Variants in ROBO1 observed in about 807,000 individuals in gnomAD.
ROBO1 encodes roundabout guidance receptor 1.
ROBO1 carries 149 observed loss-of-function variants against 195.9 expected under a neutral mutation model. The ratio of observed to expected loss-of-function variants is 0.76; its 90% CI spans 0.67 to 0.87. The LOEUF (loss-of-function observed/expected upper bound fraction) is 0.87, where lower values mean the gene tolerates loss of function less well. ROBO1 is among the 40% of genes least tolerant of loss of function. ROBO1 has a pLI of 0.00. For missense variants in ROBO1, 1,933 were observed against 2,068.3 expected, an observed-to-expected ratio of 0.93 and a Z score of 1.27; for synonymous variants, 816 against 733.2, an observed-to-expected ratio of 1.11 and a Z score of -1.82.
intron 2 of ROBO1, among the ~76,000 whole-genome samples, chr3:79,155,232 A>G (rs1317077715): frequency 1.3e-5 from 2 of 151,630 alleles, no homozygotes; most frequent in South Asian, 2.1e-4. Context: ...GCTAAGTCAT[A>G]TTCTACAAAA....
chr3:79,040,825 GTA>G (rs1352151519), intron 3 of ROBO1, among the ~76,000 whole-genome samples: 1 of 151,994 alleles, frequency 6.6e-6, no homozygotes, highest in Non-Finnish European at 1.5e-5. Flanking sequence ...ATTCAATTGT[GTA>G]ATACTTCTTT....
chr3:79,630,972 G>T (rs1033617794), intron 1 of ROBO1, among the ~76,000 whole-genome samples: 1 of 151,638 alleles, frequency 6.6e-6, no homozygotes, highest in Admixed American at 6.6e-5. Context: ...AAAGACATTG[G>T]GATGACAAAA....
intron 2 of ROBO1, among the ~76,000 whole-genome samples, chr3:79,412,874 A>AGTTTTTTTTTTTTTTTT (rs2037833269): frequency 2.6e-5 from 1 of 38,338 alleles, no homozygotes; most frequent in African/African-American, 1.2e-4. Flanking sequence ...TCATGAGCTG[A>AGTTTTTTTTTTTTTTTT]TTTTTTTTTT....
intron 4 of ROBO1, among the ~76,000 whole-genome samples, chr3:78,876,461 G>C (rs1404429265): frequency 6.6e-6 from 1 of 152,082 alleles, no homozygotes; most frequent in East Asian, 1.9e-4. Context: ...TCTTAAGGTA[G>C]TAAAAAATTT....
At chr3:78,674,004 C>G (rs1395832722) in intron 10 of ROBO1, among the ~76,000 whole-genome samples, 1 of 152,034 alleles carries the variant, frequency 6.6e-6, no homozygotes, top group Admixed American at 6.6e-5. Context: ...TTGTCCAAAT[C>G]AAGTAGTAAC....
chr3:79,506,855 AC>A (rs959732405), intron 2 of ROBO1, among the ~76,000 whole-genome samples: 4 of 152,216 alleles, frequency 2.6e-5, no homozygotes, highest in Non-Finnish European at 5.9e-5. Context: ...AAAGGTTTAA[AC>A]TGGCAAGTAG....
At chr3:79,260,140 T>C (rs1191001759) in intron 2 of ROBO1, among the ~76,000 whole-genome samples, 2 of 151,698 alleles carry the variant, frequency 1.3e-5, no homozygotes, top group East Asian at 3.9e-4. Flanking sequence ...ATTCCCATAA[T>C]GTTATTGAAA....
intron 4 of ROBO1, among the ~76,000 whole-genome samples, chr3:78,886,861 C>T (rs373607810): frequency 7.9e-5 from 12 of 151,926 alleles, no homozygotes; most frequent in South Asian, 6.3e-4. Context: ...GGGAGAGACA[C>T]GAATGGATAA....
At chr3:79,411,849 C>T (rs564045857) in intron 2 of ROBO1, among the ~76,000 whole-genome samples, 44 of 152,232 alleles carry the variant, frequency 2.9e-4, no homozygotes, top group African/African-American at 1.0e-3. Flanking sequence ...GCTACGCAGA[C>T]CCTGATGCAT....
intron 5 of ROBO1, among the ~76,000 whole-genome samples, chr3:78,725,516 G>C (rs2082141157): frequency 6.6e-6 from 1 of 152,036 alleles, no homozygotes; most frequent in South Asian, 2.1e-4. Context: ...CTGAGCAGTA[G>C]GAAATCCTGC....
At chr3:79,224,020 A>T (rs2082185377) in intron 2 of ROBO1, among the ~76,000 whole-genome samples, 1 of 152,228 alleles carries the variant, frequency 6.6e-6, no homozygotes, top group South Asian at 2.1e-4. Context: ...GCATAAAAGG[A>T]AAGTTTTACT....
Position 79,256,292 on chromosome 3 carries a change from G to A in ROBO1, c.89-130753C>T, listed in dbSNP as rs139398247. ...AAGAATCACCCTTTCTTCCAAGGCT[G>A]TAGACACATGGTACATGTGTTCATT... On this transcript the variant is annotated intron_variant, in intron 2 of 30. Transcript: ENST00000464233. Among the ~76,000 whole-genome samples, 1,353 of 152,224 alleles carry A rather than the reference G, an allele frequency of 8.9e-3. 18 individuals carry two copies. The highest frequency in any genetic ancestry group is 0.031 in the African/African-American group (1,280 of 41,542).
chr3:78,679,719 G>T (rs1293832709), intron 10 of ROBO1, among the ~76,000 whole-genome samples: 3 of 152,152 alleles, frequency 2.0e-5, no homozygotes, highest in African/African-American at 7.2e-5. Flanking sequence ...ATGCTCATGG[G>T]TAGGAAGAAT....
intron 1 of ROBO1, among the ~76,000 whole-genome samples, chr3:79,640,556 C>A (rs919889553): frequency 6.6e-6 from 1 of 152,106 alleles, no homozygotes; most frequent in Admixed American, 6.5e-5. Context: ...TGTCAGTGAT[C>A]AGCCATTTCC....
intron 2 of ROBO1, among the ~76,000 whole-genome samples, chr3:79,519,135 T>G (rs1941082712): frequency 6.6e-6 from 1 of 152,170 alleles, no homozygotes; most frequent in Non-Finnish European, 1.5e-5. Context: ...CTCCTCAGCC[T>G]GGATTCTGGA....
intron 2 of ROBO1, among the ~76,000 whole-genome samples, chr3:79,213,964 T>C (rs2082010407): frequency 6.6e-6 from 1 of 151,824 alleles, no homozygotes; most frequent in South Asian, 2.1e-4. Context: ...CAGCTGGGAT[T>C]ACGGGTGCGC....
At chr3:78,660,611 G>C (rs770940438) in intron 16 of ROBO1, 1 of 159,266 alleles carries the variant, frequency 6.3e-6, no homozygotes, top group African/African-American at 2.4e-5. Flanking sequence ...TAAAAGAGAT[G>C]AGATTTAGGA....
intron 2 of ROBO1, among the ~76,000 whole-genome samples, chr3:79,386,976 C>G (rs2036772840): frequency 1.3e-5 from 2 of 152,070 alleles, no homozygotes; most frequent in African/African-American, 4.8e-5. Context: ...AGGGATATGT[C>G]AGAATGGTGA....
chr3:78,661,914 A>AGAT, intron 15 of ROBO1, 79 bp downstream of exon 15: 1 of 1,458,664 alleles, frequency 6.9e-7, no homozygotes, highest in Non-Finnish European at 9.3e-7. Flanking sequence ...AGTAGGCAAC[A>AGAT]GATAGTTACA....
Sources: allele counts gnomAD v4.1 joint callset (sites outside exome capture counted in the v4.1 genomes callset), GRCh38; gene constraint gnomAD v4.1.1; transcripts MANE v1.5; gene names NCBI Gene and HGNC (gene_info 2026-07-23, HGNC 2026-07-21).